The following HNRNPD variants were observed in gnomAD, a reference collection of about 807,000 sequenced individuals.
HNRNPD encodes the protein heterogeneous nuclear ribonucleoprotein D, also known as heterogeneous nuclear ribonucleoprotein D0.
Under a neutral mutation model 47.9 loss-of-function variants are expected in HNRNPD, and 3 were observed. That is an observed-to-expected ratio of 0.06 (90% CI 0.03 to 0.16). The LOEUF is 0.16. Ranked by LOEUF, HNRNPD falls within the 10% of genes least tolerant of loss-of-function variation. The pLI is 1.00. For synonymous variants in HNRNPD, 171 were observed against 165.1 expected (o/e 1.04, Z -0.28); for missense variants, 287 against 454.2 (o/e 0.63, Z 3.35).
intron 7 of HNRNPD, chr4:82,355,648 T>TACA (rs1242276607): frequency 2.0e-6 from 1 of 498,050 alleles, no homozygotes; most frequent in African/African-American, 2.0e-5. Context: ...CCCTCACCCT[T>TACA]ACAGTTTAAA....
At chr4:82,364,954 A>G (rs951349090) in intron 2 of HNRNPD, among the ~76,000 whole-genome samples, 17 of 152,208 alleles carry the variant, frequency 1.1e-4, no homozygotes, top group Admixed American at 6.5e-5. Context: ...ACCTCCCCTA[A>G]TAAGTCTTTA....
At chr4:82,372,186 G>A (rs1351731646) in intron 1 of HNRNPD, among the ~76,000 whole-genome samples, 2 of 151,880 alleles carry the variant, frequency 1.3e-5, no homozygotes, top group Non-Finnish European at 2.9e-5. Flanking sequence ...ATTACAAAAA[G>A]GAATGGAAGC....
chr4:82,355,189 T>C (rs1314477206), intron 8 of HNRNPD, 115 bp downstream of exon 8: 6 of 671,468 alleles, frequency 8.9e-6, no homozygotes, highest in Middle Eastern at 4.0e-4. Context: ...TGTTATAATA[T>C]GGTAAGCACT....
Position 82,370,977 on chromosome 4 carries a change from T to TACACACACACAC in HNRNPD, c.290+550_290+551insGTGTGTGTGTGT, listed in dbSNP as rs755789567. ...CATTAGCCCACCTTTTAATGGTATATATATACACACACACACACACACACA... is the reference window on the plus strand; with the variant it reads ...CATTAGCCCACCTTTTAATGGTATATACACACACACACATATACACACACACACACACACACA... On this transcript the variant is annotated intron_variant, in intron 2 of 8. Coordinates refer to ENST00000313899, the MANE Select transcript of HNRNPD (RefSeq NM_031370.3). Among the ~76,000 whole-genome samples the TACACACACACAC allele has an allele frequency of 5.6e-3, 194 of 34,530 alleles. 1 individual carries two copies. Among genetic ancestry groups the TACACACACACAC allele is most frequent in the African/African-American group, 0.018 (184 of 10,268 alleles). The allele number at this position is 34,530 out of a possible 152,430, so 22.7% of individuals were successfully genotyped here. A position where few individuals can be genotyped will look rare whatever the true frequency, so the allele number is the denominator to read the frequency against.
intron 2 of HNRNPD, among the ~76,000 whole-genome samples, chr4:82,368,337 C>T (rs193186891): frequency 4.6e-5 from 7 of 151,782 alleles, no homozygotes; most frequent in African/African-American, 1.5e-4. Flanking sequence ...TGTATTAGGA[C>T]GATAGCAGAG....
chr4:82,355,029 C>CA (rs1478866065), intron 8 of HNRNPD: 4 of 416,456 alleles, frequency 9.6e-6, no homozygotes, highest in Non-Finnish European at 1.7e-5. Context: ...GGTATAATGT[C>CA]AGAGTTAGTA....
intron 8 of HNRNPD, chr4:82,355,101 CT>C (rs762670738): frequency 1.4e-5 from 8 of 559,470 alleles, no homozygotes; most frequent in South Asian, 2.4e-5. Context: ...TACCTGTTAA[CT>C]TTACTGACTT....
intron 1 of HNRNPD, among the ~76,000 whole-genome samples, chr4:82,371,935 A>C (rs553156265): frequency 1.3e-5 from 2 of 151,652 alleles, no homozygotes; most frequent in East Asian, 3.9e-4. Context: ...TCCCACCACC[A>C]CTCCCCCAAA....
intron 8 of HNRNPD, 152 bp downstream of exon 8, chr4:82,355,152 T>C: frequency 1.6e-6 from 1 of 614,910 alleles, no homozygotes; most frequent in East Asian, 2.8e-5. Flanking sequence ...TAAGAGCACC[T>C]GTGTTACATA....
chr4:82,360,347 A>C (rs1395412228), intron 2 of HNRNPD, among the ~76,000 whole-genome samples: 1 of 152,104 alleles, frequency 6.6e-6, no homozygotes, highest in Non-Finnish European at 1.5e-5. Flanking sequence ...GAAATCCACC[A>C]AGACACTCTA....
At chr4:82,365,246 T>A (rs903135155) in intron 2 of HNRNPD, among the ~76,000 whole-genome samples, 2 of 152,164 alleles carry the variant, frequency 1.3e-5, no homozygotes, top group African/African-American at 4.8e-5. Flanking sequence ...TATAACAAGT[T>A]CTGACAGTTT....
Position 82,373,884 on chromosome 4 carries a change from A to ACTCCCGCTCT in HNRNPD, c.-216_-207dup. The ACTCCCGCTCT allele has an allele frequency of 8.5e-7, 1 of 1,173,262 alleles. No homozygotes were observed. Among genetic ancestry groups the ACTCCCGCTCT allele is most frequent in the Non-Finnish European group, 1.1e-6 (1 of 877,012 alleles). The allele number at this position is 1,173,262 out of a possible 1,614,324, so 72.7% of individuals were successfully genotyped here. A position where few individuals can be genotyped will look rare whatever the true frequency, so the allele number is the denominator to read the frequency against. ...CGCCTCCCACTCTCGCGCGGCGCAC[A>ACTCCCGCTCT]CTCCCGCTCTCTCCCGCTGCACTAA... On this transcript the variant is annotated 5_prime_UTR_variant, in exon 1 of 9. Transcript: ENST00000313899.
chr4:82,357,002 T>C (rs1578046403), intron 5 of HNRNPD, 107 bp from the exon 6 acceptor site: 1 of 975,684 alleles, frequency 1.0e-6, no homozygotes, highest in Non-Finnish European at 1.6e-6. Context: ...GTAGGCTAAT[T>C]TGAAACTTTC....
intron 2 of HNRNPD, among the ~76,000 whole-genome samples, chr4:82,360,315 A>T (rs1207570356): frequency 6.6e-6 from 1 of 152,196 alleles, no homozygotes; most frequent in Non-Finnish European, 1.5e-5. Flanking sequence ...TTTAAAATGC[A>T]GAAAGTGATG....
Position 82,355,289 on chromosome 4 carries a change from A to T in HNRNPD, c.*30+15T>A. 7.1e-7 allele frequency: 1 copy of T among 1,403,930 alleles called. No homozygotes were observed. The highest frequency in any genetic ancestry group is 1.0e-6 in the Non-Finnish European group (1 of 996,044). 87.0% of individuals were successfully genotyped at this position (1,403,930 alleles called of 1,614,324 possible). A position where few individuals can be genotyped will look rare whatever the true frequency, so the allele number is the denominator to read the frequency against. ...CTATTGTAAATGACAAAAAAAAACT[A>T]TTTTTAGAACATACCTGTTGGGGAT... On this transcript the variant is annotated intron_variant, in intron 8 of 8. Transcript: ENST00000313899.
intron 3 of HNRNPD, 126 bp downstream of exon 3, chr4:82,359,345 G>A: frequency 1.9e-6 from 1 of 532,138 alleles, no homozygotes; most frequent in Non-Finnish European, 3.0e-6. Flanking sequence ...ACGTATTGGG[G>A]CAAGAACTAT....
At position 82,357,046 on chromosome 4, in the gene HNRNPD, T is replaced by C. The variant is rs756199045; in HGVS notation, c.754-151A>G. ...GTTTATTAATTAAACCAATATTTAG[T>C]ACTTAAGAGTAATCACTTATGAGTA... On this transcript the variant is annotated intron_variant, in intron 5 of 8. Coordinates refer to ENST00000313899, the MANE Select transcript of HNRNPD (RefSeq NM_031370.3). 3 of 724,162 alleles carry C rather than the reference T, an allele frequency of 4.1e-6. No individual in the cohort carries two copies. In the Admixed American group the frequency reaches 7.5e-5, roughly 18 times the overall value. 44.9% of individuals were successfully genotyped at this position (724,162 alleles called of 1,614,324 possible).
At chr4:82,371,067 A>G (rs1425895675) in intron 2 of HNRNPD, among the ~76,000 whole-genome samples, 10 of 152,156 alleles carry the variant, frequency 6.6e-5, no homozygotes. Flanking sequence ...TCCATAATAC[A>G]CAGTGCTGCT....
intron 2 of HNRNPD, among the ~76,000 whole-genome samples, chr4:82,364,175 G>A (rs550885211): frequency 2.0e-5 from 3 of 151,954 alleles, no homozygotes; most frequent in South Asian, 4.2e-4. Context: ...TTACTATGTC[G>A]CCCAGGCTAG....
Sources: allele counts gnomAD v4.1 joint callset (sites outside exome capture counted in the v4.1 genomes callset), GRCh38; gene constraint gnomAD v4.1.1; transcripts MANE v1.5; gene names NCBI Gene and HGNC (gene_info 2026-07-23, HGNC 2026-07-21).